PUM3: variants seen among roughly 807,000 people sequenced by gnomAD.
PUM3 encodes pumilio RNA binding family member 3, also known as pumilio homolog 3.
Under a neutral mutation model 84.0 loss-of-function variants are expected in PUM3, and 91 were observed. That is an observed-to-expected ratio of 1.08 (90% CI 0.91 to 1.29). The LOEUF is 1.29. PUM3 is among the 50% of genes most tolerant of loss of function. PUM3 has a pLI of 0.00. For missense variants in PUM3, 1,067 were observed against 767.5 expected, an observed-to-expected ratio of 1.39 and a Z score of -4.61; for synonymous variants, 321 against 266.7, an observed-to-expected ratio of 1.20 and a Z score of -1.98.
At chr9:2,810,241 C>A (rs1821337696) in intron 16 of PUM3, 103 bp downstream of exon 16, 2 of 745,822 alleles carry the variant, frequency 2.7e-6, no homozygotes, top group Non-Finnish European at 4.7e-6. Context: ...AGACACTTGG[C>A]AAACTTCATT....
intron 2 of PUM3, 117 bp downstream of exon 2, chr9:2,838,309 C>T (rs1411055242): frequency 2.7e-6 from 2 of 741,908 alleles, no homozygotes; most frequent in Non-Finnish European, 4.8e-6. Context: ...ATAACACATA[C>T]TTCTTCCTAC....
intron 12 of PUM3, among the ~76,000 whole-genome samples, chr9:2,821,144 A>C (rs1416016216): frequency 6.6e-6 from 1 of 152,146 alleles, no homozygotes; most frequent in African/African-American, 2.4e-5. Context: ...AAGACCAACA[A>C]CCAACTAAAA....
At position 2,838,457 on chromosome 9, in the gene PUM3, T is replaced by A. The variant is rs2129888757; in HGVS notation, c.51A>T (p.Ala17=). 1.2e-6 allele frequency: 2 copies of A among 1,613,462 alleles called. No homozygotes were observed. Among genetic ancestry groups the A allele is most frequent in the Non-Finnish European group, 1.7e-6 (2 of 1,179,468 alleles). ...KQFTGKSTKT[A]QEKNRFHKNS... ...TTTTATGAAATCTGTTTTTTTCTTG[T>A]GCTGTCTTTGTACTCTTTCCTGTGA... is the stretch of plus-strand genomic sequence containing the variant. Residue 17 remains alanine, a synonymous_variant, in exon 2 of 18, where the codon GCA becomes GCT. Transcript: ENST00000397885.
In PUM3 at chr9:2,828,865, A is replaced by G. The variant is rs192482793; in HGVS notation, c.853-87T>C. The G allele has an allele frequency of 3.0e-3, 2,324 of 786,844 alleles. 17 individuals are homozygous for G. The highest frequency in any genetic ancestry group is 4.4e-3 in the Non-Finnish European group (2,027 of 465,750). The allele number at this position is 786,844 out of a possible 1,614,324, so 48.7% of individuals were successfully genotyped here. On this transcript the variant is annotated intron_variant, in intron 8 of 17. Transcript: ENST00000397885. Reference sequence around the variant, plus strand: ...AAGAAAAGTAATTAGTCATTTTAAAATAAGTTTTAACAAATTTAAGATTTC... The same window carrying G: ...AAGAAAAGTAATTAGTCATTTTAAAGTAAGTTTTAACAAATTTAAGATTTC...
intron 1 of PUM3, 89 bp downstream of exon 1, chr9:2,843,956 A>T (rs943595412): frequency 6.5e-6 from 1 of 153,402 alleles, no homozygotes; most frequent in Non-Finnish European, 1.5e-5. Context: ...TGCCCAGTGG[A>T]CAACAGCCCC....
intron 17 of PUM3, among the ~76,000 whole-genome samples, chr9:2,804,876 G>C (rs1447542905): frequency 6.6e-6 from 1 of 152,180 alleles, no homozygotes; most frequent in Non-Finnish European, 1.5e-5. Flanking sequence ...AGAGCAGACA[G>C]CCAAAATATG....
intron 13 of PUM3, among the ~76,000 whole-genome samples, chr9:2,814,058 C>T (rs1291933897): frequency 6.6e-6 from 1 of 152,204 alleles, no homozygotes; most frequent in East Asian, 1.9e-4. Flanking sequence ...TTCAATAGGT[C>T]TAACCACCTC....
At position 2,807,247 on chromosome 9, in the gene PUM3, G is replaced by A. The variant is rs117871350; in HGVS notation, c.1814+567C>T. On this transcript the variant is annotated intron_variant, in intron 17 of 17. Transcript: ENST00000397885. ...ATGTTTTGGTCAAAACCATAAATGT[G>A]GTGAAGCCACCTGATACCTTGTGAA... 1.0e-3 allele frequency among the ~76,000 whole-genome samples: 152 copies of A among 151,196 alleles called. 4 individuals carry two copies. In the East Asian group the frequency reaches 0.025, roughly 25 times the overall value.
At chr9:2,816,708 G>T (rs1810588936) in intron 13 of PUM3, among the ~76,000 whole-genome samples, 1 of 152,120 alleles carries the variant, frequency 6.6e-6, no homozygotes, top group African/African-American at 2.4e-5. Flanking sequence ...GTCAATGAAG[G>T]TTTGCAGGTT....
intron 11 of PUM3, 55 bp from the exon 12 acceptor site, chr9:2,823,889 T>A: frequency 1.1e-6 from 1 of 879,966 alleles, no homozygotes; most frequent in South Asian, 1.8e-5. Context: ...AAGGGTATTT[T>A]GTAGTTAAAC....
At chr9:2,808,271 C>G (rs866632316) in intron 16 of PUM3, among the ~76,000 whole-genome samples, 42 of 152,212 alleles carry the variant, frequency 2.8e-4, no homozygotes, top group African/African-American at 9.9e-4. Context: ...GCACCTCATG[C>G]TTGGTTGAAA....
chr9:2,810,106 G>A (rs552841396), intron 16 of PUM3, among the ~76,000 whole-genome samples: 2 of 150,998 alleles, frequency 1.3e-5, no homozygotes, highest in Non-Finnish European at 3.0e-5. Flanking sequence ...GGGGGCGGTG[G>A]GGGGGGCTGG....
chr9:2,811,307 CG>C, intron 15 of PUM3, 53 bp downstream of exon 15: 1 of 1,549,128 alleles, frequency 6.5e-7, no homozygotes, highest in African/African-American at 1.4e-5. Flanking sequence ...CGTCCAAAAA[CG>C]AAGTTTTTGT....
At chr9:2,837,096 A>T (rs1329534351) in intron 3 of PUM3, 84 bp downstream of exon 3, 1 of 1,142,786 alleles carries the variant, frequency 8.8e-7, no homozygotes, top group East Asian at 2.4e-5. Flanking sequence ...AAGGAATAAG[A>T]ATGTGAGGTT....
At chr9:2,817,572 T>G (rs1821497930) in intron 13 of PUM3, among the ~76,000 whole-genome samples, 2 of 152,138 alleles carry the variant, frequency 1.3e-5, no homozygotes, top group Non-Finnish European at 2.9e-5. Flanking sequence ...TATACAGAAC[T>G]TGCAAACATG....
At chr9:2,842,141 T>C (rs1246478862) in intron 1 of PUM3, among the ~76,000 whole-genome samples, 1 of 152,230 alleles carries the variant, frequency 6.6e-6, no homozygotes. Flanking sequence ...TGCAATTTGC[T>C]TTGCTTGGGA....
At chr9:2,816,587 A>G (rs762856772) in intron 13 of PUM3, among the ~76,000 whole-genome samples, 4 of 152,164 alleles carry the variant, frequency 2.6e-5, no homozygotes, top group Non-Finnish European at 5.9e-5. Flanking sequence ...CAGGGACTGG[A>G]GCTGAATGGT....
Position 2,838,321 on chromosome 9 carries a change from A to T in PUM3, c.82+105T>A, listed in dbSNP as rs962302883. On this transcript the variant is annotated intron_variant, in intron 2 of 17. Transcript: ENST00000397885. Reference sequence around the variant, plus strand: ...ACAATAACACATACTTCTTCCTACTATTTTAATCCTAATCCTAGCCAATGA... The same window carrying T: ...ACAATAACACATACTTCTTCCTACTTTTTTAATCCTAATCCTAGCCAATGA... 2.8e-5 allele frequency: 22 copies of T among 790,646 alleles called. No individual in the cohort carries two copies. In the Admixed American group the frequency reaches 4.0e-4, roughly 14 times the overall value. The allele number at this position is 790,646 out of a possible 1,614,324, so 49.0% of individuals were successfully genotyped here. A position where few individuals can be genotyped will look rare whatever the true frequency, so the allele number is the denominator to read the frequency against.
rs747328924 is a variant in PUM3 at position 2,838,447 on chromosome 9, T to A, written c.61A>T (p.Asn21Tyr). The A allele has an allele frequency of 6.2e-7, 1 of 1,612,478 alleles. No homozygotes were observed. The highest frequency in any genetic ancestry group is 1.1e-5 in the South Asian group (1 of 91,026). The part of the protein sequence containing the change: ...GKSTKTAQEK[N>Y]RFHKNSDSGS... ...TTACCACTATTTTTATGAAATCTGTTTTTTTCTTGTGCTGTCTTTGTACTC... is the reference window on the plus strand; with the variant it reads ...TTACCACTATTTTTATGAAATCTGTATTTTTCTTGTGCTGTCTTTGTACTC... Residue 21 changes from asparagine to tyrosine, a missense_variant, in exon 2 of 18, where the codon AAC (asparagine) becomes TAC (tyrosine). Physicochemically the swap from Asn to Tyr is moderately radical, Grantham distance 143. Transcript: ENST00000397885.
Sources: allele counts gnomAD v4.1 joint callset (sites outside exome capture counted in the v4.1 genomes callset), GRCh38; gene constraint gnomAD v4.1.1; transcripts MANE v1.5; gene names NCBI Gene and HGNC (gene_info 2026-07-23, HGNC 2026-07-21).